RPTOR: variants seen among roughly 807,000 people sequenced by gnomAD.
The protein encoded by RPTOR is regulatory associated protein of MTOR complex 1.
RPTOR carries 21 observed loss-of-function variants against 169.9 expected under a neutral mutation model. That is an observed-to-expected ratio of 0.12 (90% CI 0.09 to 0.18). RPTOR has a LOEUF of 0.18. Among genes scored for constraint, RPTOR ranks in the 10% least tolerant of loss-of-function variants. RPTOR has a pLI of 1.00. For missense variants in RPTOR, 1,133 were observed against 1,855.9 expected (o/e 0.61, Z 7.16); for synonymous variants, 732 against 753.2 (o/e 0.97, Z 0.46).
chr17:80,886,593 G>A (rs1220786154), intron 17 of RPTOR, among the ~76,000 whole-genome samples: 1 of 152,252 alleles, frequency 6.6e-6, no homozygotes, highest in African/African-American at 2.4e-5. Flanking sequence ...TGAAAATAGA[G>A]AGGACGTTAG....
intron 13 of RPTOR, among the ~76,000 whole-genome samples, chr17:80,880,125 G>A (rs781350907): frequency 6.6e-6 from 1 of 152,192 alleles, no homozygotes; most frequent in Non-Finnish European, 1.5e-5. Flanking sequence ...GGAGCGGGGT[G>A]CAGGCAGGGG....
At chr17:80,825,380 A>G (rs1794438815) in intron 9 of RPTOR, among the ~76,000 whole-genome samples, 1 of 152,282 alleles carries the variant, frequency 6.6e-6, no homozygotes, top group Admixed American at 6.5e-5. Context: ...CAGGGCAGCC[A>G]CATCCCACAT....
intron 2 of RPTOR, 146 bp downstream of exon 2, chr17:80,625,939 C>A: frequency 3.2e-6 from 2 of 622,636 alleles, no homozygotes; most frequent in Non-Finnish European, 5.8e-6. Flanking sequence ...GTCACATCAC[C>A]TTTGAGTAAT....
At position 80,668,988 on chromosome 17, in the gene RPTOR, G is replaced by A. The variant is rs2065801758; in HGVS notation, c.348+25178G>A. 3.9e-5 allele frequency among the ~76,000 whole-genome samples: 4 copies of A among 103,642 alleles called. No individual in the cohort carries two copies. The South Asian group carries it at 1.3e-3, about 34-fold the overall frequency. The allele number at this position is 103,642 out of a possible 152,430, so 68.0% of individuals were successfully genotyped here. On this transcript the variant is annotated intron_variant, in intron 3 of 33. Coordinates refer to ENST00000306801, the MANE Select transcript of RPTOR (RefSeq NM_020761.3). ...AGTGCTGTGGGTCTGCTGCCTCCCG[G>A]GTGCTTCTCACACCACAGAGGCTGG...
chr17:80,954,065 G>A lies in RPTOR; in HGVS notation c.3371-3559G>A, dbSNP rs144243377. 1.2e-3 allele frequency among the ~76,000 whole-genome samples: 189 copies of A among 152,310 alleles called. 1 individual carries two copies. The South Asian group carries it at 0.028, about 22-fold the overall frequency. On this transcript the variant is annotated intron_variant, in intron 28 of 33. Transcript: ENST00000306801. ...CAGCCTCAACCACCTGGGCTCAAGC[G>A]GTCATCCCACCTCAGCCTCCCAACT...
At chr17:80,599,618 G>A (rs750926462) in intron 1 of RPTOR, among the ~76,000 whole-genome samples, 1 of 152,188 alleles carries the variant, frequency 6.6e-6, no homozygotes, top group Non-Finnish European at 1.5e-5. Flanking sequence ...CCTGTGGGTG[G>A]CACATGATGA....
chr17:80,605,924 G>T (rs1341298784), intron 1 of RPTOR, among the ~76,000 whole-genome samples: 1 of 152,178 alleles, frequency 6.6e-6, no homozygotes, highest in Non-Finnish European at 1.5e-5. Context: ...GGAAATGTGA[G>T]TCATTATGTA....
chr17:80,640,913 G>T (rs998368351), intron 2 of RPTOR, among the ~76,000 whole-genome samples: 1 of 152,252 alleles, frequency 6.6e-6, no homozygotes, highest in Non-Finnish European at 1.5e-5. Context: ...CGCGGGCCGC[G>T]ACCATGCTGG....
intron 16 of RPTOR, among the ~76,000 whole-genome samples, chr17:80,884,690 C>T (rs1225015345): frequency 1.3e-5 from 2 of 152,236 alleles, no homozygotes; most frequent in Non-Finnish European, 2.9e-5. Flanking sequence ...CTCTGTGGCC[C>T]ATCCCAGCCC....
At chr17:80,902,507 A>G (rs1377652543) in intron 20 of RPTOR, among the ~76,000 whole-genome samples, 1 of 152,102 alleles carries the variant, frequency 6.6e-6, no homozygotes, top group Non-Finnish European at 1.5e-5. Flanking sequence ...CGCCATTTTT[A>G]CCACCACAGT....
At chr17:80,612,264 G>A (rs1165545237) in intron 1 of RPTOR, among the ~76,000 whole-genome samples, 1 of 152,036 alleles carries the variant, frequency 6.6e-6, no homozygotes, top group African/African-American at 2.4e-5. Flanking sequence ...CACGTAGCTG[G>A]GACTACAGGT....
Position 80,625,678 on chromosome 17 carries a change from G to T in RPTOR, c.163-13G>T, listed in dbSNP as rs1567825791. 1.3e-6 allele frequency: 2 copies of T among 1,549,816 alleles called. No homozygotes were observed. Among genetic ancestry groups the T allele is most frequent in the South Asian group, 2.2e-5 (2 of 89,716 alleles). ...TTGAAATATTTATTTATTTTTTTCTGTTGTGTTTTCAGATGAAGACAGTCA... is the reference window on the plus strand; with the variant it reads ...TTGAAATATTTATTTATTTTTTTCTTTTGTGTTTTCAGATGAAGACAGTCA... On this transcript the variant is annotated splice_polypyrimidine_tract_variant and intron_variant, in intron 1 of 33. Coordinates refer to ENST00000306801, the MANE Select transcript of RPTOR (RefSeq NM_020761.3).
chr17:80,716,546 T>C (rs932502239), intron 4 of RPTOR, among the ~76,000 whole-genome samples: 8 of 152,216 alleles, frequency 5.3e-5, no homozygotes, highest in African/African-American at 1.7e-4. Flanking sequence ...ACTGTTCCTT[T>C]TGCCGTGCAA....
At chr17:80,770,542 G>A (rs541432178) in intron 6 of RPTOR, among the ~76,000 whole-genome samples, 6 of 152,242 alleles carry the variant, frequency 3.9e-5, no homozygotes, top group East Asian at 3.9e-4. Flanking sequence ...GGTGGCTGTC[G>A]GATGGACATG....
intron 24 of RPTOR, among the ~76,000 whole-genome samples, chr17:80,933,826 A>G (rs938214306): frequency 1.3e-5 from 2 of 152,260 alleles, no homozygotes; most frequent in Non-Finnish European, 2.9e-5. Context: ...TTATGCCTAT[A>G]AACTCTACAA....
At chr17:80,944,731 C>A (rs867620683) in intron 25 of RPTOR, among the ~76,000 whole-genome samples, 1 of 152,350 alleles carries the variant, frequency 6.6e-6, no homozygotes, top group South Asian at 2.1e-4. Context: ...TGGCTCACTT[C>A]TGTAATCCCA....
At chr17:80,547,884 A>T (rs1171206026) in intron 1 of RPTOR, among the ~76,000 whole-genome samples, 1 of 152,146 alleles carries the variant, frequency 6.6e-6, no homozygotes, top group Non-Finnish European at 1.5e-5. Flanking sequence ...GAGGGTGGGA[A>T]CAGGGGCTCC....
At chr17:80,822,947 G>T in intron 8 of RPTOR, 132 bp from the exon 9 acceptor site, 1 of 906,656 alleles carries the variant, frequency 1.1e-6, no homozygotes, top group South Asian at 1.6e-5. Context: ...GCGTGTGTGT[G>T]TGTTGCTGAT....
At chr17:80,673,573 T>C (rs2065838460) in intron 3 of RPTOR, among the ~76,000 whole-genome samples, 1 of 152,254 alleles carries the variant, frequency 6.6e-6, no homozygotes, top group African/African-American at 2.4e-5. Context: ...CAAAGAGCGG[T>C]TGCCGTGACC....
Sources: gnomAD v4.1 joint callset for allele counts (sites outside exome capture counted in the v4.1 genomes callset) on GRCh38, gnomAD v4.1.1 for gene constraint, MANE v1.5 for transcripts, NCBI Gene and HGNC (gene_info 2026-07-23, HGNC 2026-07-21) for gene names.